Variants in LASP1 observed in about 807,000 individuals in gnomAD.
The protein encoded by LASP1 is LIM and SH3 protein 1.
In LASP1, 10 loss-of-function variants were observed where a neutral mutation model predicts 38.6. The observed-to-expected ratio is 0.26, with a 90% CI of 0.16 to 0.44. LASP1 has a LOEUF of 0.44. Among genes scored for constraint, LASP1 ranks in the 20% least tolerant of loss-of-function variants. The probability of loss-of-function intolerance (pLI) is 1.00; values close to 1 mark genes in which losing one functional copy is unlikely to be tolerated. For missense variants in LASP1, 243 were observed against 375.7 expected (o/e 0.65, Z 2.92); for synonymous variants, 132 against 140.8 (o/e 0.94, Z 0.44).
intron 2 of LASP1, among the ~76,000 whole-genome samples, chr17:38,880,964 G>T (rs942344152): frequency 4.6e-5 from 7 of 152,130 alleles, no homozygotes; most frequent in Non-Finnish European, 8.8e-5. Context: ...TTAGCCAGAT[G>T]TGGTGGTGGG....
intron 4 of LASP1, 75 bp downstream of exon 4, chr17:38,898,594 A>C: frequency 8.9e-7 from 1 of 1,124,822 alleles, no homozygotes; most frequent in Non-Finnish European, 1.3e-6. Context: ...TGGCAGACGC[A>C]AGCCTGGCAG....
intron 2 of LASP1, among the ~76,000 whole-genome samples, chr17:38,884,076 G>A (rs148469271): frequency 6.6e-6 from 1 of 150,632 alleles, no homozygotes; most frequent in East Asian, 2.0e-4. Flanking sequence ...TTTTGTTGAT[G>A]TCTTTTTGTT....
rs921579134 is a variant in LASP1, at chr17:38,890,593, C to T, written c.249+89C>T. On this transcript the variant is annotated intron_variant, in intron 3 of 6. Transcript: ENST00000318008. ...CGGCATTTGGCAAGAGTACCTTCCC[C>T]TGCGGTTACTCTGCAAGGCCAAGGT... The T allele has an allele frequency of 6.4e-5, 74 of 1,160,432 alleles. No individual in the cohort carries two copies. The Middle Eastern group carries it at 7.7e-4, about 12-fold the overall frequency. The allele number at this position is 1,160,432 out of a possible 1,614,324, so 71.9% of individuals were successfully genotyped here.
intron 3 of LASP1, among the ~76,000 whole-genome samples, chr17:38,892,596 C>T (rs1054257846): frequency 6.9e-6 from 1 of 145,462 alleles, no homozygotes; most frequent in East Asian, 2.1e-4. Flanking sequence ...ACACACCCTT[C>T]TCAGGGGAGA....
chr17:38,883,341 C>T (rs1914006658), intron 2 of LASP1, among the ~76,000 whole-genome samples: 2 of 152,206 alleles, frequency 1.3e-5, no homozygotes, highest in South Asian at 4.1e-4. Flanking sequence ...GATTGCACCA[C>T]AGCACTCCAG....
chr17:38,907,611 G>A (rs1187325408), intron 4 of LASP1, among the ~76,000 whole-genome samples: 2 of 152,208 alleles, frequency 1.3e-5, no homozygotes, highest in Admixed American at 6.5e-5. Flanking sequence ...AGGGTATGAA[G>A]AGCTTGGTCA....
chr17:38,915,814 C>G (rs929589586), intron 6 of LASP1: 1 of 152,216 alleles, frequency 6.6e-6, no homozygotes, highest in Non-Finnish European at 1.5e-5. Flanking sequence ...CTCACTCCAC[C>G]CATGGGTGCC....
intron 3 of LASP1, among the ~76,000 whole-genome samples, chr17:38,898,096 C>T (rs963168642): frequency 1.3e-5 from 2 of 152,148 alleles, no homozygotes; most frequent in African/African-American, 4.8e-5. Context: ...TCTGTGGCTC[C>T]GTTTCCTGAT....
At chr17:38,896,991 T>TAG in intron 3 of LASP1, 1 of 985,462 alleles carries the variant, frequency 1.0e-6, no homozygotes, top group African/African-American at 1.7e-5. Context: ...CCTTCCCCGA[T>TAG]GCCCGCTTCC....
intron 3 of LASP1, among the ~76,000 whole-genome samples, chr17:38,892,959 ATG>A (rs143191073): frequency 4.9e-4 from 74 of 151,452 alleles, no homozygotes; most frequent in African/African-American, 1.6e-3. Flanking sequence ...CCGTGTGTGT[ATG>A]TGTGTGTGTG....
At chr17:38,890,657 CCT>C (rs1283734138) in intron 3 of LASP1, among the ~76,000 whole-genome samples, 153 bp downstream of exon 3, 1 of 152,196 alleles carries the variant, frequency 6.6e-6, no homozygotes, top group Admixed American at 6.5e-5. Context: ...TGACCCCACC[CCT>C]GACTTTATCA....
At chr17:38,893,908 G>C (rs1459591650) in intron 3 of LASP1, among the ~76,000 whole-genome samples, 1 of 152,232 alleles carries the variant, frequency 6.6e-6, no homozygotes, top group Non-Finnish European at 1.5e-5. Flanking sequence ...GGGTCAGCTG[G>C]CTTCTCTCCA....
At chr17:38,906,227 G>A in intron 4 of LASP1, among the ~76,000 whole-genome samples, 1 of 152,006 alleles carries the variant, frequency 6.6e-6, no homozygotes, top group East Asian at 1.9e-4. Context: ...TTCTCGGGCT[G>A]GCTGAGGAAA....
rs201518269 is a variant in LASP1, at chr17:38,890,519, G to A, written c.249+15G>A. The A allele has an allele frequency of 8.6e-5, 139 of 1,611,786 alleles. No individual in the cohort carries two copies. In the African/African-American group the frequency reaches 1.3e-3, roughly 15 times the overall value. On this transcript the variant is annotated intron_variant, in intron 3 of 6. Transcript: ENST00000318008. The stretch of plus-strand genomic sequence containing the variant: ...TCCAGAGTCAGGTGAGGGGCTGGGC[G>A]GTGCTGGGGCCTGGCAGGGAGGGAT...
chr17:38,904,807 T>C lies in LASP1; in HGVS notation c.357+6288T>C, dbSNP rs560510732. Reference sequence around the variant, plus strand: ...ATACTCTGTAATGAGCTTCAGTCTTTAGAGTCTGGGCCTAATCAATAGTAA... The same window carrying C: ...ATACTCTGTAATGAGCTTCAGTCTTCAGAGTCTGGGCCTAATCAATAGTAA... On this transcript the variant is annotated intron_variant, in intron 4 of 6. Coordinates refer to ENST00000318008, the MANE Select transcript of LASP1 (RefSeq NM_006148.4). 8.5e-5 allele frequency among the ~76,000 whole-genome samples: 13 copies of C among 152,338 alleles called. No homozygotes were observed. The South Asian group carries it at 2.7e-3, about 32-fold the overall frequency.
At chr17:38,871,062 A>G (rs1396450488) in intron 1 of LASP1, among the ~76,000 whole-genome samples, 1 of 151,638 alleles carries the variant, frequency 6.6e-6, no homozygotes, top group South Asian at 2.1e-4. Context: ...TGGAAGAACA[A>G]AGAGCTAACT....
chr17:38,887,205 TCTC>T (rs1914166312), intron 2 of LASP1, among the ~76,000 whole-genome samples: 1 of 151,834 alleles, frequency 6.6e-6, no homozygotes, highest in Non-Finnish European at 1.5e-5. Flanking sequence ...TGCCCGGAGG[TCTC>T]CTCTCCCCCA....
intron 2 of LASP1, among the ~76,000 whole-genome samples, chr17:38,882,031 C>G (rs993811208): frequency 5.3e-5 from 8 of 152,186 alleles, no homozygotes; most frequent in Non-Finnish European, 1.0e-4. Flanking sequence ...TGTGGCGGAC[C>G]CCCACATGCG....
In LASP1 at chr17:38,920,400, G is replaced by T. The variant is rs1915268176; in HGVS notation, c.*1622G>T. ...TCGGGGATGGGGAGGGAAAGACGGT[G>T]CTATATCCAGTTCCTGCTCTCTGCT... On this transcript the variant is annotated 3_prime_UTR_variant, in exon 7 of 7. Transcript: ENST00000318008. 1 of 332,238 alleles carries T rather than the reference G, an allele frequency of 3.0e-6. No individual in the cohort carries two copies. Among genetic ancestry groups the T allele is most frequent in the Non-Finnish European group, 5.8e-6 (1 of 171,764 alleles). The allele number at this position is 332,238 out of a possible 1,614,324, so 20.6% of individuals were successfully genotyped here.
Sources: gnomAD v4.1 joint callset for allele counts (sites outside exome capture counted in the v4.1 genomes callset) on GRCh38, gnomAD v4.1.1 for gene constraint, MANE v1.5 for transcripts, NCBI Gene and HGNC (gene_info 2026-07-23, HGNC 2026-07-21) for gene names.